The following RORA variants were observed in gnomAD, a reference collection of about 807,000 sequenced individuals.
RORA encodes the protein RAR related orphan receptor A.
In RORA, 7 loss-of-function variants were observed where a neutral mutation model predicts 69.5. That is an observed-to-expected ratio of 0.10 (90% CI 0.06 to 0.19). RORA has a LOEUF of 0.19. Ranked by LOEUF, RORA falls within the 10% of genes least tolerant of loss-of-function variation. The probability of loss-of-function intolerance (pLI) is 1.00; values close to 1 mark genes in which losing one functional copy is unlikely to be tolerated. For missense variants in RORA, 457 were observed against 663.0 expected, an observed-to-expected ratio of 0.69 and a Z score of 3.41; for synonymous variants, 261 against 240.8, an observed-to-expected ratio of 1.08 and a Z score of -0.78.
chr15:60,549,168 A>G (rs2067158912), intron 2 of RORA, among the ~76,000 whole-genome samples: 1 of 152,250 alleles, frequency 6.6e-6, no homozygotes, highest in Non-Finnish European at 1.5e-5. Flanking sequence ...CAAGGAATTA[A>G]GCATGTTGTG....
At chr15:61,005,069 T>C (rs1040032845) in intron 1 of RORA, among the ~76,000 whole-genome samples, 1 of 152,186 alleles carries the variant, frequency 6.6e-6, no homozygotes, top group African/African-American at 2.4e-5. Context: ...ATCAGACATA[T>C]GCAGTAGGAT....
At chr15:61,088,901 A>G (rs1283486446) in intron 1 of RORA, among the ~76,000 whole-genome samples, 2 of 152,206 alleles carry the variant, frequency 1.3e-5, no homozygotes, top group East Asian at 3.9e-4. Flanking sequence ...CACCCATGTC[A>G]TCACCATGCA....
intron 2 of RORA, among the ~76,000 whole-genome samples, chr15:60,667,080 T>C (rs1010218305): frequency 6.6e-6 from 1 of 152,308 alleles, no homozygotes; most frequent in Non-Finnish European, 1.5e-5. Context: ...ATATACCTCA[T>C]CTCAGAGAAT....
At chr15:60,546,835 T>TC in intron 2 of RORA, among the ~76,000 whole-genome samples, 1 of 152,300 alleles carries the variant, frequency 6.6e-6, no homozygotes, top group South Asian at 2.1e-4. Flanking sequence ...GTGGCTGAAG[T>TC]CAGAATTGTC....
chr15:60,577,625 C>A (rs11071542), intron 2 of RORA, among the ~76,000 whole-genome samples: 1 of 139,878 alleles, frequency 7.1e-6, no homozygotes, highest in African/African-American at 2.8e-5. Context: ...GCCTGGGTGA[C>A]AGAGTGAGAC....
At chr15:60,901,624 T>C (rs774625662) in intron 1 of RORA, among the ~76,000 whole-genome samples, 3 of 151,646 alleles carry the variant, frequency 2.0e-5, no homozygotes, top group South Asian at 2.1e-4. Context: ...AGAATACACA[T>C]AAACTAAAAG....
chr15:60,852,222 G>A lies in RORA; in HGVS notation c.167-173536C>T, dbSNP rs138364343. 3.4e-3 allele frequency among the ~76,000 whole-genome samples: 513 copies of A among 152,266 alleles called. 2 individuals carry two copies. Among genetic ancestry groups the A allele is most frequent in the African/African-American group, 0.011 (474 of 41,544 alleles). On this transcript the variant is annotated intron_variant, in intron 1 of 10. Coordinates refer to ENST00000335670, the MANE Select transcript of RORA (RefSeq NM_134261.3). ...TACCAACGATGTGTCTGGCGTGGTC[G>A]GGTGGGTGACACAAGGGTAAGGTAG... is the stretch of plus-strand genomic sequence containing the variant.
chr15:60,949,488 G>C (rs1167958171), intron 1 of RORA, among the ~76,000 whole-genome samples: 1 of 152,144 alleles, frequency 6.6e-6, no homozygotes, highest in Non-Finnish European at 1.5e-5. Flanking sequence ...CACAGCCCTG[G>C]ACCCGAGCAG....
intron 1 of RORA, among the ~76,000 whole-genome samples, chr15:60,772,404 C>A (rs541068974): frequency 1.0e-5 from 1 of 95,350 alleles, no homozygotes; most frequent in African/African-American, 3.4e-5. Flanking sequence ...TTAAAAACTA[C>A]CTCGTGATTG....
chr15:60,649,098 C>T (rs994565236), intron 2 of RORA, among the ~76,000 whole-genome samples: 1 of 152,168 alleles, frequency 6.6e-6, no homozygotes. Flanking sequence ...ATAATATTCC[C>T]ATTCCAAGCC....
At chr15:60,868,204 G>A (rs954622851) in intron 1 of RORA, among the ~76,000 whole-genome samples, 1 of 152,202 alleles carries the variant, frequency 6.6e-6, no homozygotes, top group South Asian at 2.1e-4. Flanking sequence ...CAGTTTCTGA[G>A]AGTCAGAGCT....
chr15:60,798,931 A>T (rs1445154136), intron 1 of RORA, among the ~76,000 whole-genome samples: 1 of 137,554 alleles, frequency 7.3e-6, no homozygotes, highest in East Asian at 2.5e-4. Flanking sequence ...TGCTCAATAA[A>T]GGACTTTTTT....
chr15:60,935,915 A>G (rs1892506587), intron 1 of RORA, among the ~76,000 whole-genome samples: 1 of 152,204 alleles, frequency 6.6e-6, no homozygotes, highest in South Asian at 2.1e-4. Flanking sequence ...TTTACTGCAG[A>G]CAGAAGACAA....
chr15:61,044,301 G>GCTC (rs1896922776), intron 1 of RORA, among the ~76,000 whole-genome samples: 1 of 152,112 alleles, frequency 6.6e-6, no homozygotes, highest in African/African-American at 2.4e-5. Context: ...CCAGGCCCTT[G>GCTC]GTATCACCTT....
chr15:60,720,265 G>C (rs1032771735), intron 1 of RORA, among the ~76,000 whole-genome samples: 2 of 152,128 alleles, frequency 1.3e-5, no homozygotes, highest in Non-Finnish European at 2.9e-5. Context: ...TGTGATACGG[G>C]AGCTAGCCTG....
intron 1 of RORA, among the ~76,000 whole-genome samples, chr15:61,118,544 A>G (rs768404314): frequency 3.3e-5 from 5 of 152,194 alleles, no homozygotes; most frequent in South Asian, 2.1e-4. Context: ...AAAGGACTAT[A>G]TATCTCCATT....
At chr15:61,039,723 C>T (rs1268008862) in intron 1 of RORA, among the ~76,000 whole-genome samples, 7 of 129,856 alleles carry the variant, frequency 5.4e-5, no homozygotes, top group South Asian at 2.5e-4. Flanking sequence ...CCAGCCTGGG[C>T]GACAGAGTGA....
At chr15:61,003,255 C>T (rs1464505498) in intron 1 of RORA, among the ~76,000 whole-genome samples, 1 of 152,054 alleles carries the variant, frequency 6.6e-6, no homozygotes, top group African/African-American at 2.4e-5. Flanking sequence ...AAAGTAGTTC[C>T]TAACAATTAA....
At chr15:60,821,222 T>C (rs560706064) in intron 1 of RORA, among the ~76,000 whole-genome samples, 1 of 152,152 alleles carries the variant, frequency 6.6e-6, no homozygotes, top group Non-Finnish European at 1.5e-5. Context: ...TTGGCTGCAG[T>C]GTGTGCTCTA....
Sources: gnomAD v4.1 joint callset for allele counts (sites outside exome capture counted in the v4.1 genomes callset) on GRCh38, gnomAD v4.1.1 for gene constraint, MANE v1.5 for transcripts, NCBI Gene and HGNC (gene_info 2026-07-23, HGNC 2026-07-21) for gene names.